NONO: variants seen among roughly 807,000 people sequenced by gnomAD.
NONO encodes non-POU domain containing octamer binding.
Under a neutral mutation model 40.2 loss-of-function variants are expected in NONO, and 6 were observed. That is an observed-to-expected ratio of 0.15 (90% CI 0.08 to 0.29). NONO has a LOEUF of 0.29. NONO is among the 10% of genes least tolerant of loss of function. NONO has a pLI of 1.00. For missense variants in NONO, 133 were observed against 397.8 expected, an observed-to-expected ratio of 0.33 and a Z score of 5.66; for synonymous variants, 89 against 123.3, an observed-to-expected ratio of 0.72 and a Z score of 1.85.
intron 5 of NONO, among the ~76,000 whole-genome samples, chrX:71,296,000 T>C (rs1038768832): frequency 2.7e-5 from 3 of 111,302 alleles, no homozygotes; most frequent in Admixed American, 9.6e-5. Flanking sequence ...TTACCACAAG[T>C]CATTTCTCAG....
At chrX:71,297,991 A>G in intron 9 of NONO, 53 bp downstream of exon 9, 1 of 822,268 alleles carries the variant, frequency 1.2e-6, no homozygotes, top group East Asian at 3.2e-5. Context: ...TAAACTCACC[A>G]TGAATTGTCT....
chrX:71,290,996 C>T (rs920643603), intron 3 of NONO, among the ~76,000 whole-genome samples: 2 of 112,661 alleles, frequency 1.8e-5, no homozygotes, highest in African/African-American at 6.4e-5. Flanking sequence ...CAGTTGAGTA[C>T]AGGTTGCTCT....
intron 5 of NONO, among the ~76,000 whole-genome samples, 159 bp from the exon 6 acceptor site, chrX:71,296,406 C>T (rs895880717): frequency 1.8e-5 from 2 of 111,945 alleles, no homozygotes; most frequent in Non-Finnish European, 3.8e-5. Context: ...GCCACCACCC[C>T]CAGCCCAACC....
intron 7 of NONO, 35 bp downstream of exon 7, chrX:71,297,082 G>T: frequency 9.4e-7 from 1 of 1,069,210 alleles, no homozygotes; most frequent in Admixed American, 3.3e-5. Flanking sequence ...AAGCTGAAAG[G>T]ACAAAATGAC....
In NONO at chrX:71,283,668, G is replaced by C. The variant is rs927307998; in HGVS notation, c.-120G>C. 9.0e-6 allele frequency: 1 copy of C among 111,449 alleles called. No homozygotes were observed. The highest frequency in any genetic ancestry group is 1.9e-5 in the Non-Finnish European group (1 of 53,005). The allele number at this position is 111,449 out of a possible 1,213,427, so 9.2% of individuals were successfully genotyped here. On this transcript the variant is annotated 5_prime_UTR_variant, in exon 1 of 12. Coordinates refer to ENST00000276079, the MANE Select transcript of NONO (RefSeq NM_007363.5). ...CGGTCGCGCGCTCTTTTCTCGGGACGGGAGAGGCCGTGTAGCGTCGCCGTT... is the reference window on the plus strand; with the variant it reads ...CGGTCGCGCGCTCTTTTCTCGGGACCGGAGAGGCCGTGTAGCGTCGCCGTT...
rs34459863 is a variant in NONO, at chrX:71,300,387, G to GTTT, written c.*323_*325dup. On this transcript the variant is annotated 3_prime_UTR_variant, in exon 12 of 12. Transcript: ENST00000276079. ...GAGCCCATTAATCTTGATCATTCCG[G>GTTT]TTTTTTTTTTTTTTGTCCATCTTGT... The GTTT allele has an allele frequency of 6.0e-4, 144 of 238,210 alleles. No individual in the cohort carries two copies. Among genetic ancestry groups the GTTT allele is most frequent in the Admixed American group, 1.4e-3 (19 of 13,455 alleles). 19.6% of individuals were successfully genotyped at this position (238,210 alleles called of 1,213,427 possible).
intron 11 of NONO, among the ~76,000 whole-genome samples, 198 bp downstream of exon 11, chrX:71,299,014 C>T (rs904915442): frequency 2.7e-5 from 3 of 111,331 alleles, no homozygotes; most frequent in African/African-American, 9.8e-5. Context: ...CTCCACCTCC[C>T]GGGTTCAAGC....
At chrX:71,294,848 G>T (rs1310727249) in intron 5 of NONO, among the ~76,000 whole-genome samples, 1 of 111,321 alleles carries the variant, frequency 9.0e-6, no homozygotes, top group East Asian at 2.8e-4. Context: ...GAACCCAGGA[G>T]GCAGAGGTTG....
chrX:71,290,283 C>T (rs944454648), intron 2 of NONO, among the ~76,000 whole-genome samples: 1 of 111,026 alleles, frequency 9.0e-6, no homozygotes, highest in African/African-American at 3.3e-5. Context: ...TCCTGGACTC[C>T]AGCAGTCCTC....
intron 11 of NONO, 149 bp downstream of exon 11, chrX:71,298,965 A>G (rs2148040931): frequency 1.3e-5 from 6 of 460,982 alleles, no homozygotes; most frequent in Non-Finnish European, 2.2e-5. Flanking sequence ...CTTGTTGCCC[A>G]GGCTAGAGTG....
intron 3 of NONO, 34 bp from the exon 4 acceptor site, chrX:71,291,745 C>T: frequency 9.6e-7 from 1 of 1,045,359 alleles, no homozygotes; most frequent in Non-Finnish European, 1.3e-6. Context: ...TTCTATTTCC[C>T]CAGTCTTTTA....
At chrX:71,286,220 A>G (rs1366978903) in intron 2 of NONO, among the ~76,000 whole-genome samples, 3 of 112,150 alleles carry the variant, frequency 2.7e-5, no homozygotes, top group Non-Finnish European at 5.6e-5. Flanking sequence ...AAAATTGATT[A>G]AATGATATAA....
chrX:71,299,915 C>T, intron 11 of NONO, 27 bp from the exon 12 acceptor site: 1 of 1,209,414 alleles, frequency 8.3e-7, no homozygotes, highest in Non-Finnish European at 1.1e-6. Context: ...GGCTCTGTTA[C>T]AGTGTTGCTC....
intron 9 of NONO, chrX:71,298,216 C>T: frequency 2.3e-6 from 1 of 440,754 alleles, no homozygotes; most frequent in Middle Eastern, 4.7e-4. Context: ...TGCAATTGTA[C>T]AAGTTGGAGC....
intron 2 of NONO, among the ~76,000 whole-genome samples, chrX:71,288,842 T>C (rs1292557485): frequency 8.9e-6 from 1 of 112,669 alleles, no homozygotes; most frequent in Non-Finnish European, 1.9e-5. Flanking sequence ...GGTATTTTTA[T>C]CATCCCCTTT....
chrX:71,298,099 C>T (rs2031492883), intron 9 of NONO, 161 bp downstream of exon 9: 2 of 447,564 alleles, frequency 4.5e-6, no homozygotes, highest in Admixed American at 4.0e-5. Context: ...AAGAGGAGAT[C>T]TTGCCTCACA....
At chrX:71,287,764 ACCT>A (rs770814470) in intron 2 of NONO, among the ~76,000 whole-genome samples, 3 of 103,804 alleles carry the variant, frequency 2.9e-5, no homozygotes, top group Non-Finnish European at 3.9e-5. Context: ...CCTCACTGTA[ACCT>A]CCTCTTCGTG....
At position 71,291,820 on chromosome X, in the gene NONO, G is replaced by A. The variant is rs1204992623; in HGVS notation, c.196G>A (p.Gly66Arg). 8.3e-7 allele frequency: 1 copy of A among 1,199,023 alleles called. No homozygotes were observed. Among genetic ancestry groups the A allele is most frequent in the Admixed American group, 2.3e-5 (1 of 43,093 alleles). ...TIDLKNFRKP[G>R]EKTFTQRSRL... ...TGACCTGAAGAATTTTAGAAAACCA[G>A]GAGAGAAGACCTTCACCCAACGAAG... The change falls in exon 4 of 12, where the codon GGA becomes AGA. Residue 66 changes from glycine (G) to arginine (R), a missense_variant. Around this residue, in one of 3 missense-constraint regions of NONO, gnomAD observed 32 missense variants for 206.0 expected, o/e 0.16. Transcript: ENST00000276079.
chrX:71,294,614 CTA>C (rs1392529106), intron 5 of NONO, 86 bp downstream of exon 5: 1 of 954,649 alleles, frequency 1.0e-6, no homozygotes, highest in African/African-American at 1.9e-5. Context: ...AACCACTTTT[CTA>C]TGTTTAAAGA....
Sources: gnomAD v4.1 joint callset for allele counts (sites outside exome capture counted in the v4.1 genomes callset) on GRCh38, gnomAD v4.1.1 for gene constraint, gnomAD v4.1.1 regional missense constraint, MANE v1.5 for transcripts, NCBI Gene and HGNC (gene_info 2026-07-23, HGNC 2026-07-21) for gene names.